The following NXPE2 variants were observed in gnomAD, a reference collection of about 807,000 sequenced individuals.
NXPE2 encodes NXPE family member 2.
A neutral mutation model predicts 34.4 loss-of-function variants in NXPE2; 34 were observed. The ratio of observed to expected loss-of-function variants is 0.99; its 90% CI spans 0.75 to 1.31. The LOEUF is 1.31. Among genes scored for constraint, NXPE2 ranks in the 40% most tolerant of loss-of-function variants. The pLI, the probability that NXPE2 is intolerant of heterozygous loss-of-function variation, is 0.00. For synonymous variants in NXPE2, 235 were observed against 231.3 expected, an observed-to-expected ratio of 1.02 and a Z score of -0.15; for missense variants, 649 against 672.5, an observed-to-expected ratio of 0.97 and a Z score of 0.39.
At chr11:114,651,464 G>C in the NXPE2 span, among the ~76,000 whole-genome samples, 4 of 152,326 alleles carry the variant, frequency 2.6e-5, no homozygotes, top group East Asian at 7.7e-4. Flanking sequence ...TGGACCCAAA[G>C]AGTAAGCAGC....
the NXPE2 span, among the ~76,000 whole-genome samples, chr11:114,585,767 T>G: frequency 2.6e-5 from 4 of 152,160 alleles, no homozygotes; most frequent in Non-Finnish European, 4.4e-5. Context: ...ATCATTTCTT[T>G]TCTAACAAAG....
At chr11:114,732,630 T>C in the NXPE2 span, among the ~76,000 whole-genome samples, 1 of 152,230 alleles carries the variant, frequency 6.6e-6, no homozygotes, top group African/African-American at 2.4e-5. Context: ...GACTTGTCAT[T>C]GTTCAGTCCT....
the NXPE2 span, among the ~76,000 whole-genome samples, chr11:114,465,886 A>G: frequency 2.6e-5 from 4 of 152,266 alleles, no homozygotes; most frequent in Non-Finnish European, 4.4e-5. Context: ...TACTCAATAA[A>G]TGTTTATTAT....
the NXPE2 span, among the ~76,000 whole-genome samples, chr11:114,537,812 C>T: frequency 1.3e-5 from 2 of 151,870 alleles, no homozygotes; most frequent in African/African-American, 2.4e-5. Context: ...ACATTCCATG[C>T]TCATGGGTAG....
chr11:114,635,869 G>A, the NXPE2 span, among the ~76,000 whole-genome samples: 1 of 152,068 alleles, frequency 6.6e-6, no homozygotes, highest in Non-Finnish European at 1.5e-5. Flanking sequence ...CGGTTTGCCA[G>A]TATTTTATCG....
the NXPE2 span, chr11:114,554,087 A>G: frequency 1.4e-5 from 14 of 985,396 alleles, no homozygotes; most frequent in Non-Finnish European, 1.7e-5. Flanking sequence ...CTTGGCCACT[A>G]TCTGACTCAC....
At chr11:114,625,867 C>T in the NXPE2 span, among the ~76,000 whole-genome samples, 69 of 152,214 alleles carry the variant, frequency 4.5e-4, no homozygotes, top group East Asian at 2.7e-3. Context: ...ACTCGGGAAG[C>T]GCAAGGGGTC....
chr11:114,578,582 A>T, the NXPE2 span, among the ~76,000 whole-genome samples: 1 of 152,160 alleles, frequency 6.6e-6, no homozygotes, highest in Middle Eastern at 3.4e-3. Context: ...GGCCCTACCA[A>T]TTTTCCCACT....
chr11:114,522,797 C>T, the NXPE2 span: 2 of 991,592 alleles, frequency 2.0e-6, no homozygotes, highest in Non-Finnish European at 3.1e-6. Context: ...AACAAAATAG[C>T]TCAAACGAGA....
the NXPE2 span, among the ~76,000 whole-genome samples, chr11:114,651,480 G>C: frequency 0.16 from 24,790 of 152,202 alleles, 2,511 homozygotes; most frequent in East Asian, 0.38. Flanking sequence ...GCAGCAGCAA[G>C]ATTTATTGCA....
chr11:114,491,094 A>G, the NXPE2 span, among the ~76,000 whole-genome samples: 78,914 of 134,070 alleles, frequency 0.59, 25,027 homozygotes, highest in African/African-American at 0.83. Context: ...CCCGGGAAGC[A>G]GAGCTTGCAG....
intron 2 of NXPE2, among the ~76,000 whole-genome samples, chr11:114,691,616 G>A (rs556356332): frequency 4.6e-5 from 7 of 152,286 alleles, no homozygotes; most frequent in Admixed American, 2.6e-4. Flanking sequence ...GCCCTGATAG[G>A]AAGAGCTGCT....
chr11:114,697,936 TATTTA>T, intron 2 of NXPE2, 104 bp from the exon 3 acceptor site: 1 of 1,075,080 alleles, frequency 9.3e-7, no homozygotes. Context: ...CGATTTTTGA[TATTTA>T]ATTTATCACA....
the NXPE2 span, among the ~76,000 whole-genome samples, chr11:114,729,522 C>T: frequency 1.3e-5 from 2 of 152,130 alleles, no homozygotes; most frequent in Non-Finnish European, 1.5e-5. Context: ...TTTACAATCC[C>T]ACCAACAGTG....
chr11:114,762,433 GAAAATT>G, the NXPE2 span, among the ~76,000 whole-genome samples: 21 of 152,196 alleles, frequency 1.4e-4, no homozygotes, highest in Non-Finnish European at 4.4e-5. Context: ...ACAAATAAGA[GAAAATT>G]AAAAGAGCAA....
At chr11:114,632,526 G>C in the NXPE2 span, among the ~76,000 whole-genome samples, 1 of 113,116 alleles carries the variant, frequency 8.8e-6, no homozygotes, top group Non-Finnish European at 1.7e-5. Flanking sequence ...ATTATATTTT[G>C]CTATATATTT....
the NXPE2 span, among the ~76,000 whole-genome samples, chr11:114,735,115 A>C: frequency 5.3e-5 from 8 of 152,018 alleles, no homozygotes; most frequent in African/African-American, 1.7e-4. Context: ...GTCTCAAATA[A>C]TAATAATAAT....
At chr11:114,582,451 G>A in the NXPE2 span, 3 of 1,614,174 alleles carry the variant, frequency 1.9e-6, no homozygotes, top group South Asian at 1.1e-5. Flanking sequence ...TTTGTGTTTA[G>A]GATCAGGCCA....
the NXPE2 span, among the ~76,000 whole-genome samples, chr11:114,578,717 G>A: frequency 6.6e-6 from 1 of 152,118 alleles, no homozygotes; most frequent in South Asian, 2.1e-4. Flanking sequence ...GGTCATAGAG[G>A]GGTAGACAAT....
Sources: allele counts gnomAD v4.1 joint callset (sites outside exome capture counted in the v4.1 genomes callset), GRCh38; gene constraint gnomAD v4.1.1; transcripts MANE v1.5; gene names NCBI Gene and HGNC (gene_info 2026-07-23, HGNC 2026-07-21).